NXPE2: variants seen among roughly 807,000 people sequenced by gnomAD.
The protein encoded by NXPE2 is neurexophilin and PC-esterase domain family member 2, also known as NXPE family member 2.
NXPE2 carries 34 observed loss-of-function variants against 34.4 expected under a neutral mutation model. The ratio of observed to expected loss-of-function variants is 0.99; its 90% CI spans 0.75 to 1.31. The LOEUF is 1.31. Among genes scored for constraint, NXPE2 ranks in the 40% most tolerant of loss-of-function variants. NXPE2 has a pLI of 0.00. For missense variants in NXPE2, 649 were observed against 672.5 expected (o/e 0.97, Z 0.39); for synonymous variants, 235 against 231.3 (o/e 1.02, Z -0.15).
chr11:114,787,853 C>G, the NXPE2 span, among the ~76,000 whole-genome samples: 1 of 152,168 alleles, frequency 6.6e-6, no homozygotes, highest in Non-Finnish European at 1.5e-5. Flanking sequence ...CCCCATTTGA[C>G]TACTGAATAT....
At chr11:114,521,959 A>G in the NXPE2 span, 1 of 1,593,232 alleles carries the variant, frequency 6.3e-7, no homozygotes, top group Non-Finnish European at 8.6e-7. Context: ...TTTGTATAGT[A>G]TTTATCCCTT....
At position 114,691,800 on chromosome 11, in the gene NXPE2, A is replaced by C. The variant is rs1304492106; in HGVS notation, c.133-6245A>C. ...GTGCTCCCCCTTCCCTTAGGGGCAG[A>C]TAGTGCTGAGGGTTAGATCTCCAAG... On this transcript the variant is annotated intron_variant, in intron 2 of 5. Transcript: ENST00000389586. 2.0e-5 allele frequency among the ~76,000 whole-genome samples: 3 copies of C among 152,172 alleles called. No individual in the cohort carries two copies. In the East Asian group the frequency reaches 5.8e-4, roughly 29 times the overall value.
the NXPE2 span, among the ~76,000 whole-genome samples, chr11:114,726,460 C>T: frequency 6.6e-6 from 1 of 152,058 alleles, no homozygotes; most frequent in East Asian, 1.9e-4. Flanking sequence ...AATCTTCCCA[C>T]CTCAGCCTCT....
the NXPE2 span, among the ~76,000 whole-genome samples, chr11:114,632,626 A>G: frequency 4.3e-3 from 436 of 100,864 alleles, 2 homozygotes; most frequent in African/African-American, 0.017. Flanking sequence ...ATATATTTAT[A>G]TATAATAAAT....
chr11:114,622,044 A>G, the NXPE2 span, among the ~76,000 whole-genome samples: 1 of 152,100 alleles, frequency 6.6e-6, no homozygotes, highest in Admixed American at 6.5e-5. Context: ...CCAGTGGATA[A>G]TAAGTATTCC....
chr11:114,641,579 T>A, the NXPE2 span, among the ~76,000 whole-genome samples: 1 of 152,066 alleles, frequency 6.6e-6, no homozygotes, highest in African/African-American at 2.4e-5. Context: ...CTAAATGTGC[T>A]AGGTGTCCAA....
chr11:114,732,243 C>A, the NXPE2 span, among the ~76,000 whole-genome samples: 2 of 152,178 alleles, frequency 1.3e-5, no homozygotes, highest in South Asian at 4.1e-4. Context: ...GTAGTCAGTT[C>A]CCTCCCTTGC....
At chr11:114,632,464 T>A in the NXPE2 span, among the ~76,000 whole-genome samples, 1 of 129,098 alleles carries the variant, frequency 7.7e-6, no homozygotes, top group African/African-American at 2.8e-5. Context: ...GAGTTATACA[T>A]TATATATACT....
chr11:114,670,602 G>A, the NXPE2 span, among the ~76,000 whole-genome samples: 3 of 152,044 alleles, frequency 2.0e-5, no homozygotes, highest in Admixed American at 6.6e-5. Flanking sequence ...TGAGGCAGGA[G>A]GATCACTTGA....
At chr11:114,738,825 T>G in the NXPE2 span, among the ~76,000 whole-genome samples, 1 of 152,080 alleles carries the variant, frequency 6.6e-6, no homozygotes, top group Non-Finnish European at 1.5e-5. Context: ...GCCTTCAGGA[T>G]GTTTTTTTTT....
intron 3 of NXPE2, among the ~76,000 whole-genome samples, chr11:114,699,691 C>G (rs975472384): frequency 6.6e-6 from 1 of 152,108 alleles, no homozygotes; most frequent in African/African-American, 2.4e-5. Flanking sequence ...TCTTCCGCAA[C>G]ATAATTCTTA....
the NXPE2 span, chr11:114,522,165 T>G: frequency 1.9e-6 from 3 of 1,614,044 alleles, no homozygotes; most frequent in Non-Finnish European, 2.5e-6. Flanking sequence ...TCTATGTGCA[T>G]CTCCCTGATG....
the NXPE2 span, among the ~76,000 whole-genome samples, chr11:114,747,582 G>A: frequency 3.6e-4 from 55 of 152,298 alleles, no homozygotes; most frequent in African/African-American, 1.1e-3. Flanking sequence ...TAAAGGTGAA[G>A]GGGAAGCAAG....
chr11:114,626,713 A>G, the NXPE2 span, among the ~76,000 whole-genome samples: 1,168 of 152,368 alleles, frequency 7.7e-3, 7 homozygotes, highest in Non-Finnish European at 0.012. Context: ...AGACAATCAA[A>G]TTATTCCGAG....
At chr11:114,583,824 GC>G in the NXPE2 span, 1 of 421,828 alleles carries the variant, frequency 2.4e-6, no homozygotes, top group South Asian at 1.9e-5. Flanking sequence ...TATATTACAG[GC>G]TAGGCCAGGA....
the NXPE2 span, chr11:114,554,437 G>A: frequency 1.1e-6 from 1 of 947,494 alleles, no homozygotes. Flanking sequence ...TTTGTGACAT[G>A]GGCCCTTTGA....
chr11:114,802,491 C>G, the NXPE2 span, among the ~76,000 whole-genome samples: 3 of 152,208 alleles, frequency 2.0e-5, no homozygotes, highest in East Asian at 5.8e-4. Flanking sequence ...GCCAGGAGAA[C>G]AGAATAACAC....
At chr11:114,784,362 G>C in the NXPE2 span, among the ~76,000 whole-genome samples, 1 of 152,052 alleles carries the variant, frequency 6.6e-6, no homozygotes, top group African/African-American at 2.4e-5. Flanking sequence ...GGGCTGATTT[G>C]GCCAAACTTC....
At chr11:114,533,897 C>G in the NXPE2 span, among the ~76,000 whole-genome samples, 1 of 152,216 alleles carries the variant, frequency 6.6e-6, no homozygotes, top group African/African-American at 2.4e-5. Context: ...GTAACCTCTG[C>G]AGACTTAAAT....
Sources: allele counts gnomAD v4.1 joint callset (sites outside exome capture counted in the v4.1 genomes callset), GRCh38; gene constraint gnomAD v4.1.1; transcripts MANE v1.5; gene names NCBI Gene and HGNC (gene_info 2026-07-23, HGNC 2026-07-21).